The following FLVCR2 variants were observed in gnomAD, a reference collection of about 807,000 sequenced individuals.
FLVCR2 encodes FLVCR choline and putative heme transporter 2.
In FLVCR2, 38 loss-of-function variants were observed where a neutral mutation model predicts 48.9. That is an observed-to-expected ratio of 0.78 (90% CI 0.60 to 1.02). The LOEUF is 1.02. FLVCR2 is among the 50% of genes least tolerant of loss of function. FLVCR2 has a pLI of 0.00. For missense variants in FLVCR2, 664 were observed against 663.3 expected (o/e 1.00, Z -0.01); for synonymous variants, 255 against 257.0 (o/e 0.99, Z 0.07).
intron 1 of FLVCR2, among the ~76,000 whole-genome samples, chr14:75,585,672 T>G (rs115636433): frequency 0.014 from 2,167 of 152,128 alleles, 58 homozygotes; most frequent in African/African-American, 0.049. Context: ...GTCCCCGCGG[T>G]GGTCAGACAC....
At chr14:75,604,891 T>G (rs1183227698) in intron 1 of FLVCR2, among the ~76,000 whole-genome samples, 1 of 152,078 alleles carries the variant, frequency 6.6e-6, no homozygotes, top group East Asian at 1.9e-4. Context: ...GCAATATGGG[T>G]GCAGGAAGTT....
chr14:75,630,117 G>A (rs552484540), intron 3 of FLVCR2, among the ~76,000 whole-genome samples: 109 of 152,302 alleles, frequency 7.2e-4, no homozygotes, highest in Non-Finnish European at 1.2e-3. Context: ...CTTCCCTGAG[G>A]ATAGGACCCC....
chr14:75,580,443 A>G (rs1190631773), intron 1 of FLVCR2, among the ~76,000 whole-genome samples: 2 of 152,234 alleles, frequency 1.3e-5, no homozygotes, highest in African/African-American at 4.8e-5. Flanking sequence ...CCAGTCTCGC[A>G]TCTTTCCAAG....
intron 1 of FLVCR2, among the ~76,000 whole-genome samples, chr14:75,612,635 C>T (rs1050497395): frequency 2.6e-5 from 4 of 152,172 alleles, no homozygotes; most frequent in Non-Finnish European, 5.9e-5. Context: ...TGGACATTAT[C>T]GGTTACCGTG....
intron 1 of FLVCR2, among the ~76,000 whole-genome samples, chr14:75,608,367 A>G (rs999535521): frequency 6.6e-6 from 1 of 152,204 alleles, no homozygotes; most frequent in African/African-American, 2.4e-5. Flanking sequence ...CCTGTGGAGC[A>G]TTCTGGTTCT....
At chr14:75,641,361 G>T in intron 8 of FLVCR2, 68 bp downstream of exon 8, 1 of 987,202 alleles carries the variant, frequency 1.0e-6, no homozygotes. Context: ...TCTCGATGGA[G>T]CAACAGATAG....
At chr14:75,635,368 G>A (rs1594813904) in intron 5 of FLVCR2, among the ~76,000 whole-genome samples, 3 of 152,298 alleles carry the variant, frequency 2.0e-5, no homozygotes, top group South Asian at 4.1e-4. Flanking sequence ...AAACCCCAAA[G>A]AGTGGAGATG....
At chr14:75,590,578 A>C (rs138125248) in intron 1 of FLVCR2, among the ~76,000 whole-genome samples, 3 of 152,318 alleles carry the variant, frequency 2.0e-5, no homozygotes, top group African/African-American at 7.2e-5. Context: ...AGATTGTCTC[A>C]TGGGAGTAAA....
chr14:75,614,563 A>G (rs371448118), intron 1 of FLVCR2, among the ~76,000 whole-genome samples: 2 of 152,186 alleles, frequency 1.3e-5, no homozygotes, highest in East Asian at 3.8e-4. Flanking sequence ...AGATGATGGG[A>G]AGGTTGGAAT....
chr14:75,584,835 A>G (rs1888703371), intron 1 of FLVCR2, among the ~76,000 whole-genome samples: 1 of 152,238 alleles, frequency 6.6e-6, no homozygotes, highest in Admixed American at 6.5e-5. Context: ...TCCTGTATAT[A>G]TTTAGTAGGG....
At chr14:75,610,501 C>T (rs1367538083) in intron 1 of FLVCR2, among the ~76,000 whole-genome samples, 1 of 151,878 alleles carries the variant, frequency 6.6e-6, no homozygotes, top group Non-Finnish European at 1.5e-5. Flanking sequence ...TCATTTTCTT[C>T]ACCTAAACTT....
intron 1 of FLVCR2, among the ~76,000 whole-genome samples, chr14:75,601,831 G>A (rs1889173846): frequency 6.6e-6 from 1 of 152,116 alleles, no homozygotes; most frequent in African/African-American, 2.4e-5. Context: ...GTATGTATGT[G>A]TGTATATATA....
intron 1 of FLVCR2, among the ~76,000 whole-genome samples, chr14:75,621,161 T>C (rs563768741): frequency 3.3e-5 from 5 of 152,020 alleles, no homozygotes; most frequent in Admixed American, 2.6e-4. Context: ...TAAGAAATGG[T>C]TTAGCACTTT....
intron 3 of FLVCR2, among the ~76,000 whole-genome samples, chr14:75,625,695 T>C (rs1889884566): frequency 6.6e-6 from 1 of 152,036 alleles, no homozygotes; most frequent in Non-Finnish European, 1.5e-5. Flanking sequence ...TTGACATGAC[T>C]TATTCTTAGT....
At chr14:75,585,288 C>T (rs1888716036) in intron 1 of FLVCR2, among the ~76,000 whole-genome samples, 1 of 152,144 alleles carries the variant, frequency 6.6e-6, no homozygotes. Flanking sequence ...AGACCATTTG[C>T]CCATTTTTCG....
chr14:75,598,166 C>T (rs1443881157), intron 1 of FLVCR2, among the ~76,000 whole-genome samples: 1 of 151,984 alleles, frequency 6.6e-6, no homozygotes, highest in Admixed American at 6.6e-5. Flanking sequence ...ATTTATGATA[C>T]GTTTGCTGTA....
chr14:75,628,093 C>T (rs1181642772), intron 3 of FLVCR2, among the ~76,000 whole-genome samples: 1 of 152,202 alleles, frequency 6.6e-6, no homozygotes, highest in Non-Finnish European at 1.5e-5. Context: ...TGTGTTTGTT[C>T]CAAATTAAAA....
At chr14:75,609,987 T>C (rs1271662512) in intron 1 of FLVCR2, among the ~76,000 whole-genome samples, 2 of 152,230 alleles carry the variant, frequency 1.3e-5, no homozygotes, top group African/African-American at 2.4e-5. Context: ...TGGGACAGAA[T>C]TGGTGGGCAA....
At position 75,595,786 on chromosome 14, in the gene FLVCR2, T is replaced by C. The variant is rs1002183882; in HGVS notation, c.669+16145T>C. On this transcript the variant is annotated intron_variant, in intron 1 of 9. Transcript: ENST00000238667. ...GTGAAAAATCCACAATGGCCACAGA[T>C]TACACCATTGCAGCACCTTTACTCC... is the stretch of plus-strand genomic sequence containing the variant. 9 of 759,312 alleles carry C rather than the reference T, an allele frequency of 1.2e-5. No homozygotes were observed. In the African/African-American group the frequency reaches 1.4e-4, roughly 12 times the overall value. The allele number at this position is 759,312 out of a possible 1,614,324, so 47.0% of individuals were successfully genotyped here. A position where few individuals can be genotyped will look rare whatever the true frequency, so the allele number is the denominator to read the frequency against.
Sources: allele counts gnomAD v4.1 joint callset (sites outside exome capture counted in the v4.1 genomes callset), GRCh38; gene constraint gnomAD v4.1.1; transcripts MANE v1.5; gene names NCBI Gene and HGNC (gene_info 2026-07-23, HGNC 2026-07-21).